SNTB2: variants seen among roughly 807,000 people sequenced by gnomAD.
The protein encoded by SNTB2 is beta-2-syntrophin.
SNTB2 carries 34 observed loss-of-function variants against 46.2 expected under a neutral mutation model. The ratio of observed to expected loss-of-function variants is 0.74; its 90% CI spans 0.56 to 0.98. The LOEUF is 0.98. Ranked by LOEUF, SNTB2 falls within the 50% of genes least tolerant of loss-of-function variation. The pLI, the probability that SNTB2 is intolerant of heterozygous loss-of-function variation, is 0.00. For synonymous variants in SNTB2, 290 were observed against 312.6 expected, an observed-to-expected ratio of 0.93 and a Z score of 0.76; for missense variants, 603 against 731.4, an observed-to-expected ratio of 0.82 and a Z score of 2.02.
At chr16:69,278,596 C>T (rs147614529) in intron 4 of SNTB2, among the ~76,000 whole-genome samples, 11 of 152,142 alleles carry the variant, frequency 7.2e-5, no homozygotes, top group African/African-American at 2.4e-4. Flanking sequence ...GCTGGAATTA[C>T]AGGTGTGCAC....
At chr16:69,207,200 G>A (rs1363286307) in intron 1 of SNTB2, among the ~76,000 whole-genome samples, 1 of 136,518 alleles carries the variant, frequency 7.3e-6, no homozygotes, top group Non-Finnish European at 1.5e-5. Flanking sequence ...TGTCGTTCAG[G>A]CTGGAGTGCA....
Position 69,299,588 on chromosome 16 carries a change from A to G in SNTB2, c.1346-2A>G. The G allele has an allele frequency of 1.2e-6, 2 of 1,611,900 alleles. No homozygotes were observed. The highest frequency in any genetic ancestry group is 2.2e-5 in the East Asian group (1 of 44,846). ...CTAATGTTTTTTGCTTTTCTTCAAC[A>G]GGCTGCATGTTAAATGGCCAAGAGG... On this transcript the variant is annotated splice_acceptor_variant, in intron 5 of 6. Coordinates refer to ENST00000336278, the MANE Select transcript of SNTB2 (RefSeq NM_006750.4). LOFTEE classifies it high-confidence loss of function.
intron 3 of SNTB2, among the ~76,000 whole-genome samples, chr16:69,262,468 T>G (rs1180306227): frequency 6.6e-6 from 1 of 152,018 alleles, no homozygotes; most frequent in Non-Finnish European, 1.5e-5. Context: ...TTTGGTTTTT[T>G]GTTTGTTTTG....
chr16:69,277,012 A>G (rs1964990565), intron 4 of SNTB2, among the ~76,000 whole-genome samples: 1 of 152,238 alleles, frequency 6.6e-6, no homozygotes, highest in Non-Finnish European at 1.5e-5. Context: ...TCTGCTGCAT[A>G]CTGAAGAATG....
chr16:69,219,252 GA>G (rs1964376933), intron 1 of SNTB2, among the ~76,000 whole-genome samples: 1 of 152,162 alleles, frequency 6.6e-6, no homozygotes, highest in Admixed American at 6.5e-5. Context: ...TTGATATTAG[GA>G]AAGATTAAAT....
At chr16:69,268,232 G>A (rs979953934) in intron 3 of SNTB2, among the ~76,000 whole-genome samples, 1 of 152,184 alleles carries the variant, frequency 6.6e-6, no homozygotes, top group Non-Finnish European at 1.5e-5. Context: ...GGGAGGCTGA[G>A]GTGGGTGGAT....
intron 4 of SNTB2, among the ~76,000 whole-genome samples, chr16:69,283,437 T>G (rs1326091984): frequency 6.6e-6 from 1 of 152,224 alleles, no homozygotes; most frequent in Non-Finnish European, 1.5e-5. Flanking sequence ...AACCCGACTT[T>G]ATGTTCACTG....
intron 1 of SNTB2, among the ~76,000 whole-genome samples, chr16:69,217,847 A>C (rs541651997): frequency 6.6e-6 from 1 of 152,186 alleles, no homozygotes; most frequent in Non-Finnish European, 1.5e-5. Flanking sequence ...GAGTCTCTCA[A>C]CTTATCCTGG....
chr16:69,212,657 G>A (rs908365499), intron 1 of SNTB2, among the ~76,000 whole-genome samples: 45 of 138,310 alleles, frequency 3.3e-4, no homozygotes, highest in African/African-American at 1.1e-3. Flanking sequence ...TTTTTGAGAC[G>A]GAGTTTCACT....
At chr16:69,225,706 A>G (rs1964451886) in intron 1 of SNTB2, among the ~76,000 whole-genome samples, 1 of 152,234 alleles carries the variant, frequency 6.6e-6, no homozygotes, top group Admixed American at 6.5e-5. Context: ...TGTGTGTCAA[A>G]CATTTTAAAG....
intron 1 of SNTB2, among the ~76,000 whole-genome samples, chr16:69,237,847 C>G (rs745629509): frequency 1.3e-5 from 2 of 152,124 alleles, no homozygotes; most frequent in Non-Finnish European, 2.9e-5. Context: ...AGGTGATCCT[C>G]CTGCCTCGGC....
intron 4 of SNTB2, 38 bp downstream of exon 4, chr16:69,270,323 C>T: frequency 1.2e-6 from 2 of 1,610,268 alleles, no homozygotes; most frequent in East Asian, 2.2e-5. Flanking sequence ...AAATATTTAT[C>T]CTACTCTAAA....
chr16:69,299,781 G>T lies in SNTB2; in HGVS notation c.1530+7G>T, dbSNP rs1965262058. ...TGGTCCCGAGGGAGAACTGGTAAGA[G>T]TGTTTCTGAAACACATGTTTATCTA... On this transcript the variant is annotated splice_region_variant and intron_variant, in intron 6 of 6. Coordinates refer to ENST00000336278, the MANE Select transcript of SNTB2 (RefSeq NM_006750.4). 1 of 1,612,950 alleles carries T rather than the reference G, an allele frequency of 6.2e-7. No individual in the cohort carries two copies. Among genetic ancestry groups the T allele is most frequent in the Non-Finnish European group, 8.5e-7 (1 of 1,179,232 alleles).
intron 1 of SNTB2, among the ~76,000 whole-genome samples, chr16:69,219,405 C>T (rs1964378626): frequency 6.6e-6 from 1 of 152,074 alleles, no homozygotes; most frequent in South Asian, 2.1e-4. Flanking sequence ...TGAGGCAGTC[C>T]CTCCAAAGGC....
rs577708030 is a variant in SNTB2, at chr16:69,229,268, C to A, written c.581-16334C>A. Among the ~76,000 whole-genome samples, 133 of 152,218 alleles carry A rather than the reference C, an allele frequency of 8.7e-4. No individual in the cohort carries two copies. In the Middle Eastern group the frequency reaches 0.017, roughly 19 times the overall value. On this transcript the variant is annotated intron_variant, in intron 1 of 6. Coordinates refer to ENST00000336278, the MANE Select transcript of SNTB2 (RefSeq NM_006750.4). ...CACTGTAGCCTCAGCCACCCAGGCTCAGATGATCCTCCCACTTCAGCCTCC... is the reference window on the plus strand; with the variant it reads ...CACTGTAGCCTCAGCCACCCAGGCTAAGATGATCCTCCCACTTCAGCCTCC...
At chr16:69,257,591 G>A (rs371047823) in intron 2 of SNTB2, among the ~76,000 whole-genome samples, 14 of 151,786 alleles carry the variant, frequency 9.2e-5, no homozygotes, top group Admixed American at 2.6e-4. Flanking sequence ...GACTACAGGC[G>A]CCCACCACCA....
Position 69,305,983 on chromosome 16 carries a change from C to T in SNTB2, c.*5059C>T, listed in dbSNP as rs570085327. 2 of 152,070 alleles carry T rather than the reference C, an allele frequency of 1.3e-5. No individual in the cohort carries two copies. The highest frequency in any genetic ancestry group is 1.3e-4 in the Admixed American group (2 of 15,264). The allele number at this position is 152,070 out of a possible 1,614,324, so 9.4% of individuals were successfully genotyped here. ...ACTCGATAAATGTGTGATGATAGTT[C>T]TAAAATAATTATGCTATATATCAGG... On this transcript the variant is annotated 3_prime_UTR_variant, in exon 7 of 7. Transcript: ENST00000336278.
intron 1 of SNTB2, among the ~76,000 whole-genome samples, chr16:69,242,234 T>C (rs1964624353): frequency 6.6e-6 from 1 of 152,080 alleles, no homozygotes; most frequent in African/African-American, 2.4e-5. Flanking sequence ...GAGATCAGCC[T>C]GGGCAAAATA....
intron 1 of SNTB2, among the ~76,000 whole-genome samples, chr16:69,219,835 C>T (rs1308551601): frequency 6.6e-6 from 1 of 151,946 alleles, no homozygotes; most frequent in Admixed American, 6.6e-5. Context: ...ACTGCAACCT[C>T]CGACTCCCTG....
Sources: gnomAD v4.1 joint callset for allele counts (sites outside exome capture counted in the v4.1 genomes callset) on GRCh38, gnomAD v4.1.1 for gene constraint, MANE v1.5 for transcripts, NCBI Gene and HGNC (gene_info 2026-07-23, HGNC 2026-07-21) for gene names.